ATXN2: variants seen among roughly 807,000 people sequenced by gnomAD.
ATXN2 encodes ataxin-2.
Under a neutral mutation model 138.6 loss-of-function variants are expected in ATXN2, and 37 were observed. That is an observed-to-expected ratio of 0.27 (90% confidence interval 0.21 to 0.35). The LOEUF is 0.35. Among genes scored for constraint, ATXN2 ranks in the 10% least tolerant of loss-of-function variants. The pLI is 1.00. For missense variants in ATXN2, 1,216 were observed against 1,480.3 expected (o/e 0.82, Z 2.93); for synonymous variants, 549 against 543.7 (o/e 1.01, Z -0.13).
chr12:111,479,390 TA>T (rs33967202), intron 18 of ATXN2, among the ~76,000 whole-genome samples: 586 of 49,848 alleles, frequency 0.012, 3 homozygotes, highest in Middle Eastern at 0.031. Flanking sequence ...CCGTCTCTGC[TA>T]AAAAAAAAAA....
chr12:111,479,166 C>G (rs138108649), intron 18 of ATXN2: 9 of 385,644 alleles, frequency 2.3e-5, no homozygotes, highest in Non-Finnish European at 4.1e-5. Flanking sequence ...TTCATAATAG[C>G]CAAAAGCTGG....
At position 111,553,604 on chromosome 12, in the gene ATXN2, A is replaced by ATTTTTTTTTTTT. The variant is rs745560171; in HGVS notation, c.348+553_348+554insAAAAAAAAAAAA. On this transcript the variant is annotated intron_variant, in intron 3 of 24. Transcript: ENST00000673436. ...AAAAAAAAAAAAAAAAAAAAAAAAAATTTTTTTTTTTGAGAAGGGGTCTGT... is the reference window on the plus strand; with the variant it reads ...AAAAAAAAAAAAAAAAAAAAAAAAAATTTTTTTTTTTTTTTTTTTTTTTGAGAAGGGGTCTGT... Among the ~76,000 whole-genome samples, 456 of 85,006 alleles carry ATTTTTTTTTTTT rather than the reference A, an allele frequency of 5.4e-3. 68 individuals are homozygous for ATTTTTTTTTTTT. The highest frequency in any genetic ancestry group is 0.033 in the African/African-American group (435 of 13,254). The allele number at this position is 85,006 out of a possible 152,430, so 55.8% of individuals were successfully genotyped here. A position where few individuals can be genotyped will look rare whatever the true frequency, so the allele number is the denominator to read the frequency against.
chr12:111,462,335 G>A (rs1487925895), intron 21 of ATXN2, among the ~76,000 whole-genome samples: 2 of 152,140 alleles, frequency 1.3e-5, no homozygotes, highest in Non-Finnish European at 2.9e-5. Flanking sequence ...AGTTTCCTCA[G>A]CTGTGATCTC....
intron 10 of ATXN2, among the ~76,000 whole-genome samples, chr12:111,514,108 A>G (rs990802145): frequency 2.6e-5 from 4 of 152,148 alleles, no homozygotes; most frequent in Non-Finnish European, 4.4e-5. Flanking sequence ...TTCTATCATG[A>G]TCATCAATTT....
At chr12:111,575,943 A>C (rs1883614650) in intron 1 of ATXN2, among the ~76,000 whole-genome samples, 1 of 151,946 alleles carries the variant, frequency 6.6e-6, no homozygotes, top group Non-Finnish European at 1.5e-5. Flanking sequence ...TTAGCCAGGC[A>C]CGGTGGTGGG....
chr12:111,537,799 A>G (rs981206824), intron 5 of ATXN2, among the ~76,000 whole-genome samples: 3 of 151,936 alleles, frequency 2.0e-5, no homozygotes, highest in Non-Finnish European at 2.9e-5. Flanking sequence ...TGCTGTGAAT[A>G]TATTTTAAAA....
intron 1 of ATXN2, among the ~76,000 whole-genome samples, chr12:111,574,209 G>A (rs937474347): frequency 2.0e-5 from 3 of 149,920 alleles, no homozygotes; most frequent in African/African-American, 4.9e-5. Context: ...TCGGGAGGTG[G>A]AGGCAGGAGA....
At chr12:111,541,998 C>A (rs1029632619) in intron 5 of ATXN2, among the ~76,000 whole-genome samples, 2 of 149,210 alleles carry the variant, frequency 1.3e-5, no homozygotes, top group African/African-American at 2.4e-5. Flanking sequence ...AAACTCCCGT[C>A]CTCAAGTGAT....
intron 1 of ATXN2, among the ~76,000 whole-genome samples, chr12:111,562,113 G>A (rs909448575): frequency 6.7e-6 from 1 of 150,032 alleles, no homozygotes; most frequent in African/African-American, 2.5e-5. Flanking sequence ...GCCCGGCCTC[G>A]AGACTCCACC....
At chr12:111,576,085 A>ATAAC (rs1883624031) in intron 1 of ATXN2, among the ~76,000 whole-genome samples, 1 of 123,390 alleles carries the variant, frequency 8.1e-6, no homozygotes, top group East Asian at 2.5e-4. Flanking sequence ...TCTGTCTTAA[A>ATAAC]ATAACATAAC....
At chr12:111,506,204 A>G (rs1472120403) in intron 14 of ATXN2, among the ~76,000 whole-genome samples, 1 of 152,216 alleles carries the variant, frequency 6.6e-6, no homozygotes, top group Non-Finnish European at 1.5e-5. Flanking sequence ...AGTAGGGGAA[A>G]GAGAAGGGCT....
chr12:111,529,179 G>A (rs1880669273), intron 5 of ATXN2, among the ~76,000 whole-genome samples: 1 of 151,800 alleles, frequency 6.6e-6, no homozygotes, highest in Non-Finnish European at 1.5e-5. Context: ...GTTGTAACCA[G>A]GATTCCTGCA....
intron 1 of ATXN2, among the ~76,000 whole-genome samples, chr12:111,589,021 A>AAAAAAAAAC (rs1884502732): frequency 6.8e-6 from 1 of 148,062 alleles, no homozygotes; most frequent in African/African-American, 2.5e-5. Flanking sequence ...AAAAAAAAAA[A>AAAAAAAAAC]AAACTAAACC....
At chr12:111,459,579 T>C (rs1354442499) in intron 21 of ATXN2, among the ~76,000 whole-genome samples, 1 of 150,582 alleles carries the variant, frequency 6.6e-6, no homozygotes, top group Admixed American at 6.7e-5. Flanking sequence ...TAGCTGGAAC[T>C]ATAGGCAAGC....
chr12:111,598,561 G>C lies in ATXN2; in HGVS notation c.251+223C>G. The C allele has an allele frequency of 1.0e-6, 1 of 984,546 alleles. No homozygotes were observed. The highest frequency in any genetic ancestry group is 1.2e-6 in the Non-Finnish European group (1 of 829,236). The allele number at this position is 984,546 out of a possible 1,614,324, so 61.0% of individuals were successfully genotyped here. On this transcript the variant is annotated intron_variant, in intron 1 of 24. Transcript: ENST00000673436. The surrounding 1 kb of genome is among the most constrained non-coding windows in gnomAD (Gnocchi z 4.5). ...CATCTTGACCGCCGGGGGAGGGGGC[G>C]GGGATGCTGCGGGAGGCTGGACAGG...
intron 18 of ATXN2, among the ~76,000 whole-genome samples, chr12:111,481,306 G>A (rs1236033391): frequency 6.6e-6 from 1 of 152,196 alleles, no homozygotes; most frequent in Non-Finnish European, 1.5e-5. Context: ...TTAGCCTGGT[G>A]TGGTGGCGTA....
At chr12:111,579,475 T>G (rs972758255) in intron 1 of ATXN2, among the ~76,000 whole-genome samples, 1 of 152,060 alleles carries the variant, frequency 6.6e-6, no homozygotes, top group African/African-American at 2.4e-5. Flanking sequence ...TTGGTCAGGC[T>G]GGTCTCAAAC....
At chr12:111,596,246 A>ACACACAC (rs1592942289) in intron 1 of ATXN2, among the ~76,000 whole-genome samples, 3 of 148,676 alleles carry the variant, frequency 2.0e-5, no homozygotes, top group South Asian at 4.2e-4. Context: ...ACACACACAC[A>ACACACAC]AAATTAGATT....
At chr12:111,490,276 C>A (rs1049740760) in intron 14 of ATXN2, among the ~76,000 whole-genome samples, 4 of 150,834 alleles carry the variant, frequency 2.7e-5, no homozygotes, top group Non-Finnish European at 5.9e-5. Context: ...ATTCTCAGGG[C>A]AAATGGGCAG....
Sources: gnomAD v4.1 joint callset for allele counts (sites outside exome capture counted in the v4.1 genomes callset) on GRCh38, gnomAD v4.1.1 for gene constraint, Gnocchi (gnomAD v3.1) non-coding constraint, MANE v1.5 for transcripts, NCBI Gene and HGNC (gene_info 2026-07-23, HGNC 2026-07-21) for gene names.